EPAS1: variants seen among roughly 807,000 people sequenced by gnomAD.
EPAS1 encodes endothelial PAS domain protein 1, also known as endothelial PAS domain-containing protein 1.
EPAS1 carries 23 observed loss-of-function variants against 87.9 expected under a neutral mutation model. The observed-to-expected ratio is 0.26, with a 90% CI of 0.19 to 0.37. The LOEUF is 0.37. Among genes scored for constraint, EPAS1 ranks in the 10% least tolerant of loss-of-function variants. EPAS1 has a pLI of 1.00. For missense variants in EPAS1, 1,138 were observed against 1,120.7 expected (o/e 1.02, Z -0.22); for synonymous variants, 508 against 444.3 (o/e 1.14, Z -1.80).
Position 46,323,188 on chromosome 2 carries a change from C to T in EPAS1, c.27-23685C>T, listed in dbSNP as rs758672880. On this transcript the variant is annotated intron_variant, in intron 1 of 15. Transcript: ENST00000263734. Reference sequence around the variant, plus strand: ...CCCTTGAAAAGTGTAAAAATCTAGACGAAGTTAATGAGGAGACTTTTTTTT... The same window carrying T: ...CCCTTGAAAAGTGTAAAAATCTAGATGAAGTTAATGAGGAGACTTTTTTTT... 8.5e-5 allele frequency among the ~76,000 whole-genome samples: 13 copies of T among 152,252 alleles called. 1 individual carries two copies. Among genetic ancestry groups the T allele is most frequent in the South Asian group, 4.1e-4 (2 of 4,824 alleles).
At chr2:46,331,905 A>C (rs945655313) in intron 1 of EPAS1, among the ~76,000 whole-genome samples, 1 of 152,046 alleles carries the variant, frequency 6.6e-6, no homozygotes, top group Admixed American at 6.5e-5. Context: ...CCCCGGGCTT[A>C]AAGTCTTTCT....
intron 1 of EPAS1, among the ~76,000 whole-genome samples, chr2:46,336,996 T>C (rs1283546618): frequency 6.6e-6 from 1 of 152,236 alleles, no homozygotes; most frequent in Non-Finnish European, 1.5e-5. Context: ...AGGGTGACTC[T>C]TCCCAGATGG....
At chr2:46,343,985 C>T (rs971319732) in intron 1 of EPAS1, among the ~76,000 whole-genome samples, 3 of 152,200 alleles carry the variant, frequency 2.0e-5, no homozygotes, top group Non-Finnish European at 2.9e-5. Context: ...TGTGTGTTTC[C>T]GGACTTCTAA....
chr2:46,376,087 G>C (rs1273342205), intron 8 of EPAS1, among the ~76,000 whole-genome samples: 2 of 152,126 alleles, frequency 1.3e-5, no homozygotes, highest in East Asian at 1.9e-4. Flanking sequence ...CCATGCATCT[G>C]ACCCAGGTGG....
At chr2:46,308,122 G>A (rs1683143585) in intron 1 of EPAS1, among the ~76,000 whole-genome samples, 2 of 152,124 alleles carry the variant, frequency 1.3e-5, no homozygotes. Flanking sequence ...CAAAGGCAGT[G>A]CTGCAGTACT....
intron 1 of EPAS1, among the ~76,000 whole-genome samples, chr2:46,315,972 CAT>C (rs1683308436): frequency 6.6e-6 from 1 of 152,178 alleles, no homozygotes; most frequent in African/African-American, 2.4e-5. Flanking sequence ...CATAAAAAGT[CAT>C]AGTAAAAGAA....
chr2:46,352,371 G>C (rs919490283), intron 2 of EPAS1, among the ~76,000 whole-genome samples: 2 of 152,236 alleles, frequency 1.3e-5, no homozygotes, highest in Non-Finnish European at 2.9e-5. Context: ...CCTTAAGACA[G>C]GACTGAGCAC....
chr2:46,371,474 C>T lies in EPAS1; in HGVS notation c.886+1541C>T, dbSNP rs150421828. Among the ~76,000 whole-genome samples the T allele has an allele frequency of 4.5e-4, 69 of 152,290 alleles. No homozygotes were observed. The highest frequency in any genetic ancestry group is 1.4e-3 in the African/African-American group (58 of 41,548). On this transcript the variant is annotated intron_variant, in intron 7 of 15. Transcript: ENST00000263734. This position sits in a 1 kb window ranked among gnomAD's most constrained non-coding sequence, Gnocchi z 4.3. Reference sequence around the variant, plus strand: ...TGTGCTCTCTGGCAAAACACACACGCGCACACACAGACACACACACACAAA... The same window carrying T: ...TGTGCTCTCTGGCAAAACACACACGTGCACACACAGACACACACACACAAA...
chr2:46,333,213 G>C (rs1464053862), intron 1 of EPAS1, among the ~76,000 whole-genome samples: 1 of 152,158 alleles, frequency 6.6e-6, no homozygotes, highest in African/African-American at 2.4e-5. Flanking sequence ...ACAGCTGGGG[G>C]ACCGTGACTG....
rs1424254392 is a variant in EPAS1, at chr2:46,375,942, C to G, written c.1034+105C>G. 1.3e-6 allele frequency: 2 copies of G among 1,488,602 alleles called. No individual in the cohort carries two copies. Among genetic ancestry groups the G allele is most frequent in the African/African-American group, 2.8e-5 (2 of 72,338 alleles). 92.2% of individuals were successfully genotyped at this position (1,488,602 alleles called of 1,614,324 possible). On this transcript the variant is annotated intron_variant, in intron 8 of 15. Transcript: ENST00000263734. This position sits in a 1 kb window ranked among gnomAD's most constrained non-coding sequence, Gnocchi z 4.1. ...TAGGAGATGCCAGGCCTCTCAGCGC[C>G]CTGGGCACCACCTCAGGGAGGTCTT... is the stretch of plus-strand genomic sequence containing the variant.
intron 9 of EPAS1, 89 bp from the exon 10 acceptor site, chr2:46,377,805 G>A: frequency 6.4e-7 from 1 of 1,550,488 alleles, no homozygotes; most frequent in Non-Finnish European, 8.7e-7. Flanking sequence ...GACCCTCTTA[G>A]GGCCTTCTCT....
intron 2 of EPAS1, among the ~76,000 whole-genome samples, chr2:46,355,753 T>C (rs749573839): frequency 4.2e-4 from 64 of 152,248 alleles, no homozygotes; most frequent in Non-Finnish European, 6.0e-4. Context: ...ATAAAGTCTA[T>C]GGTCTGTGTA....
chr2:46,377,335 G>C (rs2103665906), intron 9 of EPAS1, among the ~76,000 whole-genome samples: 1 of 152,320 alleles, frequency 6.6e-6, no homozygotes, highest in African/African-American at 2.4e-5. Context: ...TCCAATCCTG[G>C]AAACACCCTT....
At chr2:46,365,900 G>A (rs77837067) in intron 6 of EPAS1, among the ~76,000 whole-genome samples, 1 of 152,210 alleles carries the variant, frequency 6.6e-6, no homozygotes, top group Non-Finnish European at 1.5e-5. Context: ...AAAGCAAGCC[G>A]ACTTGAAGTA....
At chr2:46,382,398 C>G (rs776342224) in intron 14 of EPAS1, 27 bp from the exon 15 acceptor site, 14 of 1,613,946 alleles carry the variant, frequency 8.7e-6, no homozygotes, top group Non-Finnish European at 1.1e-5. Flanking sequence ...CCAATGCTAC[C>G]GTCACTCTCT....
At position 46,346,398 on chromosome 2, in the gene EPAS1, T is replaced by C. The variant is rs1684025313; in HGVS notation, c.27-475T>C. On this transcript the variant is annotated intron_variant, in intron 1 of 15. Transcript: ENST00000263734. This position sits in a 1 kb window ranked among gnomAD's most constrained non-coding sequence, Gnocchi z 4.0. ...GGGATCTAGGGTTCAGTACTACTCT[T>C]AATTTTTTCTGATTGTGTCTTATGC... is the stretch of plus-strand genomic sequence containing the variant. Among the ~76,000 whole-genome samples the C allele has an allele frequency of 2.0e-5, 3 of 152,202 alleles. No individual in the cohort carries two copies. Among genetic ancestry groups the C allele is most frequent in the African/African-American group, 7.2e-5 (3 of 41,444 alleles).
Position 46,338,226 on chromosome 2 carries a change from T to G in EPAS1, c.27-8647T>G, listed in dbSNP as rs183577964. Among the ~76,000 whole-genome samples the G allele has an allele frequency of 4.8e-3, 726 of 152,328 alleles. 10 individuals carry two copies. Among genetic ancestry groups the G allele is most frequent in the African/African-American group, 0.017 (691 of 41,570 alleles). ...ACTAACATCCTTGGGGTCTGTCTCC[T>G]TATGTGTAAAATGGGAGTGATACAC... On this transcript the variant is annotated intron_variant, in intron 1 of 15. Coordinates refer to ENST00000263734, the MANE Select transcript of EPAS1 (RefSeq NM_001430.5).
At chr2:46,384,346 A>T (rs953680109) in intron 15 of EPAS1, 163 bp from the exon 16 acceptor site, 1 of 990,326 alleles carries the variant, frequency 1.0e-6, no homozygotes, top group Non-Finnish European at 1.6e-6. Context: ...TTCTGGAGGC[A>T]GACACGTTCC....
chr2:46,367,985 G>A (rs899799205), intron 6 of EPAS1, among the ~76,000 whole-genome samples: 2 of 152,188 alleles, frequency 1.3e-5, no homozygotes, highest in Non-Finnish European at 2.9e-5. Context: ...GATCCTTAGT[G>A]CCCAGGTTCC....
Sources: gnomAD v4.1 joint callset for allele counts (sites outside exome capture counted in the v4.1 genomes callset) on GRCh38, gnomAD v4.1.1 for gene constraint, Gnocchi (gnomAD v3.1) non-coding constraint, MANE v1.5 for transcripts, NCBI Gene and HGNC (gene_info 2026-07-23, HGNC 2026-07-21) for gene names.